KLHL7: variants seen among roughly 807,000 people sequenced by gnomAD.
The protein encoded by KLHL7 is kelch like family member 7.
KLHL7 carries 44 observed loss-of-function variants against 67.4 expected under a neutral mutation model. The observed-to-expected ratio is 0.65, with a 90% CI of 0.51 to 0.84. The LOEUF (loss-of-function observed/expected upper bound fraction) is 0.84. Ranked by LOEUF, KLHL7 falls within the 40% of genes least tolerant of loss-of-function variation. The probability of loss-of-function intolerance (pLI) is 0.00; values close to 1 mark genes in which losing one functional copy is unlikely to be tolerated. For synonymous variants in KLHL7, 252 were observed against 243.3 expected (o/e 1.04, Z -0.33); for missense variants, 362 against 718.1 (o/e 0.50, Z 5.67).
intron 1 of KLHL7, among the ~76,000 whole-genome samples, chr7:23,118,535 C>G (rs961951254): frequency 2.0e-5 from 3 of 152,140 alleles, no homozygotes; most frequent in Non-Finnish European, 4.4e-5. Context: ...GAATGCCTGG[C>G]TATCTGTTGT....
chr7:23,117,929 T>C, intron 1 of KLHL7: 2 of 1,614,148 alleles, frequency 1.2e-6, no homozygotes, highest in Non-Finnish European at 1.7e-6. Context: ...AGGGACTGAT[T>C]GCAGAACCTT....
At position 23,174,440 on chromosome 7, in the gene KLHL7, T is replaced by G. The variant is rs1029891016; in HGVS notation, c.*142T>G. ...AAATGAGGTTCCTATAAAATAGATG[T>G]TTCTTTTATATGGATTTCCTTAATT... On this transcript the variant is annotated 3_prime_UTR_variant, in exon 11 of 11. Transcript: ENST00000339077. The G allele has an allele frequency of 2.4e-6, 2 of 826,656 alleles. No homozygotes were observed. The highest frequency in any genetic ancestry group is 3.4e-5 in the African/African-American group (2 of 59,316). 51.2% of individuals were successfully genotyped at this position (826,656 alleles called of 1,614,324 possible).
rs1240242884 is a variant in KLHL7 at position 23,176,067 on chromosome 7, C to T, written c.*1769C>T. 1 of 151,920 alleles carries T rather than the reference C, an allele frequency of 6.6e-6. No individual in the cohort carries two copies. Among genetic ancestry groups the T allele is most frequent in the African/African-American group, 2.4e-5 (1 of 41,256 alleles). 9.4% of individuals were successfully genotyped at this position (151,920 alleles called of 1,614,324 possible). ...CATTTTCATCACCCCAAAAAGAAACCTTGTACTGATTAGCAATGGTTCCCT... is the reference window on the plus strand; with the variant it reads ...CATTTTCATCACCCCAAAAAGAAACTTTGTACTGATTAGCAATGGTTCCCT... On this transcript the variant is annotated 3_prime_UTR_variant, in exon 11 of 11. Coordinates refer to ENST00000339077, the MANE Select transcript of KLHL7 (RefSeq NM_001031710.3).
chr7:23,109,639 G>A (rs763953550), intron 1 of KLHL7, among the ~76,000 whole-genome samples: 3 of 152,148 alleles, frequency 2.0e-5, no homozygotes, highest in African/African-American at 7.2e-5. Flanking sequence ...AAATGACTTT[G>A]CTTCTGTATT....
At chr7:23,133,050 A>G (rs1783857628) in intron 4 of KLHL7, among the ~76,000 whole-genome samples, 1 of 152,154 alleles carries the variant, frequency 6.6e-6, no homozygotes. Context: ...ATAGCTCTGT[A>G]GTATAATTTG....
Position 23,168,033 on chromosome 7 carries a change from G to T in KLHL7, c.1375G>T (p.Glu459Ter). The change falls in exon 9 of 11, where the codon GAA becomes TAA. Residue 459 changes from glutamate to a stop codon, truncating the protein, a stop_gained. Coordinates refer to ENST00000339077, the MANE Select transcript of KLHL7 (RefSeq NM_001031710.3). LOFTEE classifies it high-confidence loss of function. ...NSCEVYDPAT[E>*]TWTELCPMIE... ...CTGTGAAGTTTATGATCCTGCCACA[G>T]AAACGTATGTATCTATTTAAAATTT... 6.2e-7 allele frequency: 1 copy of T among 1,613,122 alleles called. No individual in the cohort carries two copies. Among genetic ancestry groups the T allele is most frequent in the Non-Finnish European group, 8.5e-7 (1 of 1,179,020 alleles).
intron 6 of KLHL7, among the ~76,000 whole-genome samples, chr7:23,146,257 T>C (rs1377348750): frequency 6.6e-6 from 1 of 152,228 alleles, no homozygotes; most frequent in Non-Finnish European, 1.5e-5. Flanking sequence ...AGGTACTTAG[T>C]ATCTCCAATT....
Position 23,144,007 on chromosome 7 carries a change from T to C in KLHL7, c.775T>C (p.Cys259Arg). The C allele has an allele frequency of 1.2e-6, 2 of 1,613,776 alleles. No homozygotes were observed. Among genetic ancestry groups the C allele is most frequent in the Non-Finnish European group, 1.7e-6 (2 of 1,179,914 alleles). Residue 259 changes from cysteine to arginine, a missense_variant, in exon 6 of 11, where the codon TGC becomes CGC. This residue lies in a region of KLHL7 where 155 missense variants were observed against 280.8 expected (regional missense o/e 0.55). Coordinates refer to ENST00000339077, the MANE Select transcript of KLHL7 (RefSeq NM_001031710.3). ...ACCACTTATTCAAGACAATCCTGAA[T>C]GCCTTAAGATGGTGATAAGTAAGTT... is the stretch of plus-strand genomic sequence containing the variant. Reference protein sequence around the residue: ...AEPLIQDNPECLKMVISGMRY... With the variant: ...AEPLIQDNPERLKMVISGMRY...
intron 1 of KLHL7, among the ~76,000 whole-genome samples, chr7:23,115,754 AG>A (rs1363304483): frequency 6.6e-6 from 1 of 152,018 alleles, no homozygotes; most frequent in Non-Finnish European, 1.5e-5. Context: ...CATGTTAGCC[AG>A]GATGTCCTCG....
At chr7:23,155,798 G>A (rs1435726868) in intron 7 of KLHL7, among the ~76,000 whole-genome samples, 2 of 152,182 alleles carry the variant, frequency 1.3e-5, no homozygotes, top group African/African-American at 4.8e-5. Context: ...TAAGCCAAGT[G>A]TTGGTGGAAA....
chr7:23,149,369 T>C (rs10270695), intron 6 of KLHL7, among the ~76,000 whole-genome samples: 68,697 of 152,054 alleles, frequency 0.45, 17,897 homozygotes, highest in African/African-American at 0.73. Flanking sequence ...CAGTTGGCCA[T>C]GGTCAGCCAC....
chr7:23,158,524 A>T (rs112177483), intron 7 of KLHL7, among the ~76,000 whole-genome samples: 299 of 152,334 alleles, frequency 2.0e-3, no homozygotes, highest in Non-Finnish European at 3.5e-3. Flanking sequence ...TTTCTATGAA[A>T]ATTTGGTGAT....
intron 7 of KLHL7, among the ~76,000 whole-genome samples, chr7:23,153,913 T>G (rs996732031): frequency 1.3e-5 from 2 of 152,240 alleles, no homozygotes; most frequent in Non-Finnish European, 2.9e-5. Context: ...TCTTCCAACA[T>G]GCTGTAGATC....
At chr7:23,172,595 A>G (rs1231146321) in intron 9 of KLHL7, among the ~76,000 whole-genome samples, 1 of 152,248 alleles carries the variant, frequency 6.6e-6, no homozygotes, top group Non-Finnish European at 1.5e-5. Flanking sequence ...GAAAGAAAAA[A>G]GAATTATTTA....
chr7:23,136,717 C>G (rs12333677), intron 4 of KLHL7, among the ~76,000 whole-genome samples: 1 of 152,284 alleles, frequency 6.6e-6, no homozygotes, highest in South Asian at 2.1e-4. Context: ...CCACCCCATT[C>G]TGAACACTTG....
In KLHL7 at chr7:23,106,132, A is replaced by C; in HGVS notation, c.106A>C (p.Asn36His). ...GGCGGGTTTCATGGGCGTCATGAAT[A>C]ACATGCGGAAACAGGTACCGCCTCT... Reference protein sequence around the residue: ...LLAGFMGVMNNMRKQKTLCDV... With the variant: ...LLAGFMGVMNHMRKQKTLCDV... Residue 36 changes from asparagine (N) to histidine (H), a missense_variant, in exon 1 of 11, where the codon AAC (asparagine) becomes CAC (histidine). This residue lies in a region of KLHL7 where 57 missense variants were observed against 81.7 expected (regional missense o/e 0.70). Transcript: ENST00000339077. The C allele has an allele frequency of 1.2e-6, 2 of 1,610,432 alleles. No homozygotes were observed. Among genetic ancestry groups the C allele is most frequent in the Non-Finnish European group, 1.7e-6 (2 of 1,178,570 alleles).
At chr7:23,123,103 C>T (rs1467884444) in intron 1 of KLHL7, among the ~76,000 whole-genome samples, 1 of 152,302 alleles carries the variant, frequency 6.6e-6, no homozygotes, top group East Asian at 1.9e-4. Context: ...TTACTCAGAG[C>T]TGCCTTCTTT....
At chr7:23,136,837 G>A (rs1261869017) in intron 4 of KLHL7, among the ~76,000 whole-genome samples, 3 of 151,962 alleles carry the variant, frequency 2.0e-5, no homozygotes, top group Non-Finnish European at 4.4e-5. Flanking sequence ...TGAAATCTTT[G>A]GAATATAACC....
chr7:23,127,059 A>G (rs896050305), intron 4 of KLHL7, among the ~76,000 whole-genome samples: 7 of 152,216 alleles, frequency 4.6e-5, no homozygotes, highest in Non-Finnish European at 8.8e-5. Context: ...CTTCCATTAT[A>G]TAAATAATTA....
Sources: allele counts gnomAD v4.1 joint callset (sites outside exome capture counted in the v4.1 genomes callset), GRCh38; gene constraint gnomAD v4.1.1; regional missense constraint gnomAD v4.1.1; transcripts MANE v1.5; gene names NCBI Gene and HGNC (gene_info 2026-07-23, HGNC 2026-07-21).